The following ZDHHC11 variants were observed in gnomAD, a reference collection of about 807,000 sequenced individuals.
ZDHHC11 encodes palmitoyltransferase ZDHHC11.
Under a neutral mutation model 51.3 loss-of-function variants are expected in ZDHHC11, and 44 were observed. The ratio of observed to expected loss-of-function variants is 0.86; its 90% confidence interval spans 0.67 to 1.10. The LOEUF (loss-of-function observed/expected upper bound fraction) is 1.10, where lower values mean the gene tolerates loss of function less well. Among genes scored for constraint, ZDHHC11 ranks in the 50% least tolerant of loss-of-function variants. The pLI is 0.00. For missense variants in ZDHHC11, 400 were observed against 537.7 expected, an observed-to-expected ratio of 0.74 and a Z score of 2.53; for synonymous variants, 163 against 222.0, an observed-to-expected ratio of 0.73 and a Z score of 2.36.
At chr5:856,566 C>A (rs1314055177) in intron 1 of ZDHHC11, among the ~76,000 whole-genome samples, 1 of 151,036 alleles carries the variant, frequency 6.6e-6, no homozygotes, top group Non-Finnish European at 1.5e-5. Flanking sequence ...ACCACACATG[C>A]ACCACACACC....
At chr5:806,360 T>C (rs1391881510) in intron 11 of ZDHHC11, among the ~76,000 whole-genome samples, 3 of 151,092 alleles carry the variant, frequency 2.0e-5, no homozygotes, top group African/African-American at 7.3e-5. Flanking sequence ...AAGAATGAAG[T>C]TAGATCTCTA....
intron 11 of ZDHHC11, among the ~76,000 whole-genome samples, chr5:807,274 A>T (rs1335411549): frequency 6.6e-6 from 1 of 150,924 alleles, no homozygotes; most frequent in Non-Finnish European, 1.5e-5. Context: ...ATGAAAAAGT[A>T]TCCAATGTAT....
intron 11 of ZDHHC11, among the ~76,000 whole-genome samples, chr5:804,912 GAAAT>G (rs959789472): frequency 3.3e-5 from 5 of 151,164 alleles, no homozygotes; most frequent in Admixed American, 3.3e-4. Flanking sequence ...ACCATACAAA[GAAAT>G]AAAGAACATT....
intron 11 of ZDHHC11, among the ~76,000 whole-genome samples, chr5:807,986 C>T (rs1427284277): frequency 9.9e-5 from 15 of 151,054 alleles, no homozygotes; most frequent in African/African-American, 2.5e-4. Flanking sequence ...AGGCCACAGG[C>T]GGGGTCTGGG....
In ZDHHC11 at chr5:821,903, G is replaced by T. The variant is rs1444094279; in HGVS notation, c.1024-8C>A. 2 of 1,602,496 alleles carry T rather than the reference G, an allele frequency of 1.2e-6. No individual in the cohort carries two copies. The highest frequency in any genetic ancestry group is 1.7e-6 in the Non-Finnish European group (2 of 1,172,532). Reference sequence around the variant, plus strand: ...CGGGTCTTCATCCCCTTCCTGTGGGGAAGTGAAGCAAAATTCATAGAATGA... The same window carrying T: ...CGGGTCTTCATCCCCTTCCTGTGGGTAAGTGAAGCAAAATTCATAGAATGA... On this transcript the variant is annotated splice_region_variant and splice_polypyrimidine_tract_variant and intron_variant, in intron 8 of 12. Transcript: ENST00000283441.
At chr5:851,190 G>A (rs1666577421), upstream of ZDHHC11, among the ~76,000 whole-genome samples, 1 of 152,192 alleles carries the variant, frequency 6.6e-6, no homozygotes, top group Non-Finnish European at 1.5e-5. Context: ...AGCAGGACCC[G>A]AGAGCTCACT....
At chr5:823,689 G>C (rs532815821) in intron 8 of ZDHHC11, 1 of 186,442 alleles carries the variant, frequency 5.4e-6, no homozygotes, top group Admixed American at 5.6e-5. Context: ...ACGGAGACGC[G>C]GGCTTGGGAT....
chr5:810,468 A>G (rs1739941840), intron 11 of ZDHHC11, among the ~76,000 whole-genome samples: 1 of 151,264 alleles, frequency 6.6e-6, no homozygotes, highest in African/African-American at 2.4e-5. Flanking sequence ...ATTCCTACAC[A>G]TTTCCCACAA....
chr5:854,157 G>GAGAGA (rs1747765805), upstream of ZDHHC11, among the ~76,000 whole-genome samples: 1 of 141,930 alleles, frequency 7.0e-6, no homozygotes, highest in Admixed American at 6.9e-5. Context: ...GAGCCGGGGG[G>GAGAGA]CACAGACCAC....
rs561858176 is a variant in ZDHHC11, at chr5:856,298, C to G, written c.-1+2576G>C. Among the ~76,000 whole-genome samples the G allele has an allele frequency of 9.4e-4, 138 of 146,700 alleles. 1 individual carries two copies. Among genetic ancestry groups the G allele is most frequent in the African/African-American group, 3.7e-3 (135 of 36,844 alleles). ...CACAACACACAAAACACAACACACA[C>G]ACAAGACACCACACACACCATACAC... On this transcript the variant is annotated intron_variant, in intron 1 of 3. Coordinates refer to the ZDHHC11 transcript ENST00000685990.
chr5:844,722 G>A (rs1276728213), intron 3 of ZDHHC11, among the ~76,000 whole-genome samples: 28 of 152,366 alleles, frequency 1.8e-4, no homozygotes, highest in East Asian at 9.6e-4. Flanking sequence ...GGAGGAGCCC[G>A]GCCACACCTC....
At chr5:855,218 G>A (rs1342652606), upstream of ZDHHC11, among the ~76,000 whole-genome samples, 2 of 150,466 alleles carry the variant, frequency 1.3e-5, no homozygotes, top group African/African-American at 4.9e-5. Context: ...AGTGAGCAGC[G>A]GGGACAGACC....
At chr5:824,764 TTATTTAA>T (rs761354537) in intron 8 of ZDHHC11, among the ~76,000 whole-genome samples, 6 of 102,588 alleles carry the variant, frequency 5.8e-5, no homozygotes, top group African/African-American at 3.6e-4. Context: ...CCTAAGCATT[TTATTTAA>T]AAAAAAAAAA....
chr5:805,874 G>A (rs1355505043), intron 11 of ZDHHC11, among the ~76,000 whole-genome samples: 1 of 151,228 alleles, frequency 6.6e-6, no homozygotes, highest in Non-Finnish European at 1.5e-5. Context: ...GGGTCCCAGG[G>A]GCAAGGGTGA....
intron 7 of ZDHHC11, among the ~76,000 whole-genome samples, chr5:831,025 C>T (rs955690787): frequency 2.2e-4 from 33 of 150,460 alleles, no homozygotes; most frequent in Admixed American, 1.4e-3. Context: ...TACAAGATAT[C>T]ATCAGAAAAA....
intron 11 of ZDHHC11, among the ~76,000 whole-genome samples, chr5:802,989 C>T (rs1351383413): frequency 2.7e-5 from 4 of 148,328 alleles, no homozygotes; most frequent in Non-Finnish European, 6.0e-5. Context: ...CCACTGCACT[C>T]TAGCCTGGGC....
upstream of ZDHHC11, among the ~76,000 whole-genome samples, chr5:855,583 C>G (rs540605081): frequency 2.7e-5 from 4 of 148,688 alleles, no homozygotes; most frequent in Non-Finnish European, 5.9e-5. Context: ...GGGGGACAGA[C>G]CGCACAGAGG....
chr5:844,130 A>T (rs1745694540), intron 3 of ZDHHC11, among the ~76,000 whole-genome samples: 1 of 151,936 alleles, frequency 6.6e-6, no homozygotes, highest in South Asian at 2.1e-4. Flanking sequence ...CCACCGCCCA[A>T]CGCTGGCCTC....
At chr5:807,739 G>A (rs534731649) in intron 11 of ZDHHC11, among the ~76,000 whole-genome samples, 1 of 152,094 alleles carries the variant, frequency 6.6e-6, no homozygotes, top group East Asian at 1.9e-4. Flanking sequence ...GCTCAGAGTG[G>A]TTTAAAAACT....
Sources: allele counts gnomAD v4.1 joint callset (sites outside exome capture counted in the v4.1 genomes callset), GRCh38; gene constraint gnomAD v4.1.1; transcripts MANE v1.5; gene names NCBI Gene and HGNC (gene_info 2026-07-23, HGNC 2026-07-21).